CETP: variants seen among roughly 807,000 people sequenced by gnomAD.
The protein encoded by CETP is cholesteryl ester transfer protein, also known as BPI fold containing family F.
In CETP, 56 loss-of-function variants were observed where a neutral mutation model predicts 66.5. The observed-to-expected ratio is 0.84, with a 90% confidence interval of 0.68 to 1.05. The LOEUF (loss-of-function observed/expected upper bound fraction) is 1.05. Ranked by LOEUF, CETP falls within the 50% of genes least tolerant of loss-of-function variation. CETP has a pLI of 0.00. For synonymous variants in CETP, 251 were observed against 245.7 expected (o/e 1.02, Z -0.20); for missense variants, 612 against 609.6 (o/e 1.00, Z -0.04).
At chr16:56,977,350 C>G (rs954903015) in intron 10 of CETP, among the ~76,000 whole-genome samples, 3 of 152,180 alleles carry the variant, frequency 2.0e-5, no homozygotes, top group Non-Finnish European at 1.5e-5. Flanking sequence ...TCAGGCCACA[C>G]TCCCCAGCCC....
At position 56,969,271 on chromosome 16, in the gene CETP, A is replaced by G. The variant is rs1168254960; in HGVS notation, c.234-115A>G. ...TTTGCAGGTTCTGTGGATTAGGAGG[A>G]CATTTTGGGGGCCATGATTCTATCT... On this transcript the variant is annotated intron_variant, in intron 2 of 15. Transcript: ENST00000200676. 32 of 1,335,424 alleles carry G rather than the reference A, an allele frequency of 2.4e-5. No individual in the cohort carries two copies. In the Admixed American group the frequency reaches 4.0e-4, roughly 17 times the overall value. The allele number at this position is 1,335,424 out of a possible 1,614,324, so 82.7% of individuals were successfully genotyped here.
Position 56,980,144 on chromosome 16 carries a change from C to T in CETP, c.1147-1014C>T, listed in dbSNP as rs192778860. On this transcript the variant is annotated intron_variant, in intron 11 of 15. Coordinates refer to ENST00000200676, the MANE Select transcript of CETP (RefSeq NM_000078.3). ...GCATGACTGTTAACCAAACTCTAAA[C>T]TTTATTTGAATCTCCCCAGTTTTTC... 1.1e-4 allele frequency among the ~76,000 whole-genome samples: 17 copies of T among 152,328 alleles called. No homozygotes were observed. In the East Asian group the frequency reaches 2.7e-3, roughly 24 times the overall value.
intron 10 of CETP, among the ~76,000 whole-genome samples, chr16:56,977,188 G>A (rs978226032): frequency 2.0e-5 from 3 of 152,170 alleles, no homozygotes; most frequent in Non-Finnish European, 4.4e-5. Flanking sequence ...CGGGATTACA[G>A]GTGTGAGCTC....
In CETP at chr16:56,965,470, G is replaced by A. The variant is rs150928685; in HGVS notation, c.233+2346G>A. 1.9e-3 allele frequency among the ~76,000 whole-genome samples: 291 copies of A among 152,286 alleles called. 1 individual carries two copies. Among genetic ancestry groups the A allele is most frequent in the African/African-American group, 6.5e-3 (272 of 41,552 alleles). ...TTGCTGGGCACAGTGTGTCATAGTG[G>A]CTTATAATATGGGATTTGGAGTGGG... On this transcript the variant is annotated intron_variant, in intron 2 of 15. Transcript: ENST00000200676.
intron 11 of CETP, among the ~76,000 whole-genome samples, chr16:56,979,091 T>C (rs1004517735): frequency 6.6e-6 from 1 of 152,146 alleles, no homozygotes; most frequent in African/African-American, 2.4e-5. Flanking sequence ...CCTCCCAAAG[T>C]GCTGGGATTA....
chr16:56,963,778 C>T (rs1373701853), intron 2 of CETP, among the ~76,000 whole-genome samples: 1 of 150,500 alleles, frequency 6.6e-6, no homozygotes, highest in Non-Finnish European at 1.5e-5. Flanking sequence ...AAGGAATTTT[C>T]GTGCCTCAGC....
intron 1 of CETP, chr16:56,962,519 T>C (rs2056031480): frequency 5.0e-6 from 2 of 398,988 alleles, no homozygotes; most frequent in African/African-American, 4.1e-5. Flanking sequence ...GCTCCATCAC[T>C]GACTGTTGTG....
At chr16:56,973,126 C>T (rs1367094571) in intron 8 of CETP, among the ~76,000 whole-genome samples, 2 of 152,200 alleles carry the variant, frequency 1.3e-5, no homozygotes, top group Admixed American at 1.3e-4. Flanking sequence ...GTTCACTTCC[C>T]ACGGTGGTTG....
chr16:56,969,660 C>T lies in CETP; in HGVS notation c.418C>T (p.Leu140Phe). ...IDFEIDSAIDLQINTQLTCDS... is the reference protein window; with the variant it reads ...IDFEIDSAIDFQINTQLTCDS... ...CTTCGAGATCGACTCTGCCATTGAC[C>T]TCCAGATCAACACACAGCTGAGTAT... Residue 140 changes from leucine (L) to phenylalanine (F), a missense_variant, in exon 4 of 16, where the codon CTC becomes TTC. Coordinates refer to ENST00000200676, the MANE Select transcript of CETP (RefSeq NM_000078.3). 6.2e-7 allele frequency: 1 copy of T among 1,613,916 alleles called. No individual in the cohort carries two copies. The highest frequency in any genetic ancestry group is 8.5e-7 in the Non-Finnish European group (1 of 1,179,976).
chr16:56,973,556 G>T lies in CETP; in HGVS notation c.930+46G>T, dbSNP rs773875617. The T allele has an allele frequency of 5.0e-6, 8 of 1,606,724 alleles. No individual in the cohort carries two copies. The Admixed American group carries it at 5.0e-5, about 10-fold the overall frequency. ...TGCTAGGGGATCCAGATGGCATGTG[G>T]TATGTGTGTGTGTGCACACGCATGG... On this transcript the variant is annotated intron_variant, in intron 9 of 15. Coordinates refer to ENST00000200676, the MANE Select transcript of CETP (RefSeq NM_000078.3).
chr16:56,983,193 T>C lies in CETP; in HGVS notation c.1322-133T>C. On this transcript the variant is annotated intron_variant, in intron 14 of 15. Coordinates refer to ENST00000200676, the MANE Select transcript of CETP (RefSeq NM_000078.3). ...AGAAGCACTTGCTCACTCTGCTAAATCAAAGTGAAACGCATGTTTACAGAA... is the reference window on the plus strand; with the variant it reads ...AGAAGCACTTGCTCACTCTGCTAAACCAAAGTGAAACGCATGTTTACAGAA... 3 of 755,064 alleles carry C rather than the reference T, an allele frequency of 4.0e-6. No individual in the cohort carries two copies. The South Asian group carries it at 4.3e-5, about 11-fold the overall frequency. The allele number at this position is 755,064 out of a possible 1,614,324, so 46.8% of individuals were successfully genotyped here. A position where few individuals can be genotyped will look rare whatever the true frequency, so the allele number is the denominator to read the frequency against.
chr16:56,962,419 G>A, intron 1 of CETP: 1 of 609,180 alleles, frequency 1.6e-6, no homozygotes, highest in Non-Finnish European at 3.1e-6. Flanking sequence ...GTTGAGTCAG[G>A]GGGTAAAGAT....
chr16:56,969,274 T>A (rs188019470), intron 2 of CETP, 112 bp from the exon 3 acceptor site: 4 of 1,403,102 alleles, frequency 2.9e-6, no homozygotes, highest in Non-Finnish European at 4.0e-6. Context: ...TAGGAGGACA[T>A]TTTGGGGGCC....
chr16:56,962,181 A>G, intron 1 of CETP, 84 bp downstream of exon 1: 1 of 1,163,460 alleles, frequency 8.6e-7, no homozygotes, highest in Non-Finnish European at 1.3e-6. Flanking sequence ...GCCTGAAGCC[A>G]GCCCTGAAGC....
chr16:56,977,099 C>T (rs372413585), intron 10 of CETP, among the ~76,000 whole-genome samples: 45 of 151,894 alleles, frequency 3.0e-4, no homozygotes, highest in South Asian at 1.0e-3. Flanking sequence ...TTAGTAGAGA[C>T]GGGGTTTCAC....
Position 56,983,713 on chromosome 16 carries a change from C to G in CETP, c.*47C>G. The G allele has an allele frequency of 1.3e-6, 2 of 1,562,648 alleles. No individual in the cohort carries two copies. The highest frequency in any genetic ancestry group is 1.8e-6 in the Non-Finnish European group (2 of 1,133,224). ...TGGGGCTTGTAGCAGAAGGCAAGCA[C>G]CAGGCTCACAGCTGGAACCCTGGTG... On this transcript the variant is annotated 3_prime_UTR_variant, in exon 16 of 16. Transcript: ENST00000200676.
intron 2 of CETP, among the ~76,000 whole-genome samples, chr16:56,964,735 G>A (rs1329143047): frequency 6.6e-6 from 1 of 152,218 alleles, no homozygotes; most frequent in African/African-American, 2.4e-5. Flanking sequence ...ATGCCACTTC[G>A]CCTTTTGCAG....
chr16:56,969,299 C>T, intron 2 of CETP, 87 bp from the exon 3 acceptor site: 1 of 1,565,154 alleles, frequency 6.4e-7, no homozygotes, highest in Non-Finnish European at 8.8e-7. Context: ...TTCTATCTTC[C>T]ACCCTCGCCT....
At chr16:56,977,157 T>G (rs2056155556) in intron 10 of CETP, among the ~76,000 whole-genome samples, 1 of 152,126 alleles carries the variant, frequency 6.6e-6, no homozygotes, top group African/African-American at 2.4e-5. Flanking sequence ...ATGATCCTCC[T>G]GCCTCAGCCT....
Sources: allele counts gnomAD v4.1 joint callset (sites outside exome capture counted in the v4.1 genomes callset), GRCh38; gene constraint gnomAD v4.1.1; transcripts MANE v1.5; gene names NCBI Gene and HGNC (gene_info 2026-07-23, HGNC 2026-07-21).